Variants in TECRL observed in about 807,000 individuals in gnomAD.
TECRL encodes trans-2,3-enoyl-CoA reductase-like.
In TECRL, 63 loss-of-function variants were observed where a neutral mutation model predicts 52.8. That is an observed-to-expected ratio of 1.19 (90% confidence interval 0.97 to 1.47). The LOEUF is 1.47. Ranked by LOEUF, TECRL falls within the 40% of genes most tolerant of loss-of-function variation. The probability of loss-of-function intolerance (pLI) is 0.00; values close to 1 mark genes in which losing one functional copy is unlikely to be tolerated. For synonymous variants in TECRL, 164 were observed against 141.9 expected, an observed-to-expected ratio of 1.16 and a Z score of -1.10; for missense variants, 482 against 429.6, an observed-to-expected ratio of 1.12 and a Z score of -1.08.
intron 2 of TECRL, among the ~76,000 whole-genome samples, chr4:64,337,508 G>A (rs1358611331): frequency 6.6e-6 from 1 of 152,154 alleles, no homozygotes; most frequent in Non-Finnish European, 1.5e-5. Flanking sequence ...CAGATGACAT[G>A]ATTGTATATC....
At chr4:64,332,185 C>A (rs2063653107) in intron 2 of TECRL, among the ~76,000 whole-genome samples, 1 of 152,120 alleles carries the variant, frequency 6.6e-6, no homozygotes, top group African/African-American at 2.4e-5. Flanking sequence ...CTGAGCAGGG[C>A]TTTTCACACA....
At chr4:64,311,358 G>C (rs1038305453) in intron 5 of TECRL, among the ~76,000 whole-genome samples, 6 of 152,256 alleles carry the variant, frequency 3.9e-5, no homozygotes, top group African/African-American at 1.2e-4. Context: ...ATGAATGTCT[G>C]GGGGAAGAGC....
chr4:64,307,766 A>G (rs534699307), intron 6 of TECRL, among the ~76,000 whole-genome samples: 3 of 152,192 alleles, frequency 2.0e-5, no homozygotes, highest in Non-Finnish European at 4.4e-5. Context: ...TTACTCTTAA[A>G]TCAAACTCTG....
chr4:64,409,207 T>C lies in TECRL; in HGVS notation c.145A>G (p.Thr49Ala), dbSNP rs748941395. Residue 49 changes from threonine to alanine, a missense_variant, in exon 1 of 12, where the codon ACT becomes GCT. Coordinates refer to ENST00000381210, the MANE Select transcript of TECRL (RefSeq NM_001010874.5). The part of the protein sequence containing the change: ...LVLSAGPLRP[T>A]PAVKHSKTTH... ...GTTTTTGAATGTTTGACTGCTGGAG[T>C]TGGTCTTAGAGGGCCCGCTGAGAGT... 2 of 1,612,932 alleles carry C rather than the reference T, an allele frequency of 1.2e-6. No homozygotes were observed. The highest frequency in any genetic ancestry group is 1.1e-5 in the South Asian group (1 of 91,046).
chr4:64,332,522 A>C (rs1718715396), intron 2 of TECRL, among the ~76,000 whole-genome samples: 2 of 152,224 alleles, frequency 1.3e-5, no homozygotes, highest in Admixed American at 1.3e-4. Flanking sequence ...GAATGCTAGA[A>C]GACAAGACAT....
At position 64,310,637 on chromosome 4, in the gene TECRL, C is replaced by T. The variant is rs569430690; in HGVS notation, c.552-706G>A. On this transcript the variant is annotated intron_variant, in intron 5 of 11. Coordinates refer to ENST00000381210, the MANE Select transcript of TECRL (RefSeq NM_001010874.5). ...AATGTATTTTTCATGAAGATTTGTA[C>T]CTATTTTGTTACATATAAAAATGTG... Among the ~76,000 whole-genome samples the T allele has an allele frequency of 2.6e-5, 4 of 152,152 alleles. No individual in the cohort carries two copies. In the South Asian group the frequency reaches 8.3e-4, roughly 32 times the overall value.
intron 6 of TECRL, among the ~76,000 whole-genome samples, chr4:64,306,356 G>A (rs28766372): frequency 0.029 from 4,470 of 152,214 alleles, 99 homozygotes; most frequent in African/African-American, 0.064. Context: ...TGGGGCAACT[G>A]AAGGTATCTG....
chr4:64,375,094 T>A, intron 2 of TECRL, 78 bp downstream of exon 2: 1 of 667,408 alleles, frequency 1.5e-6, no homozygotes, highest in Non-Finnish European at 2.4e-6. Flanking sequence ...CTAACATATA[T>A]TGCACTTATA....
chr4:64,322,898 T>A, intron 3 of TECRL, 106 bp from the exon 4 acceptor site: 1 of 794,722 alleles, frequency 1.3e-6, no homozygotes, highest in Non-Finnish European at 1.9e-6. Flanking sequence ...TAATTTAATA[T>A]GGAAATTACA....
intron 1 of TECRL, among the ~76,000 whole-genome samples, chr4:64,376,178 TA>T (rs2109684255): frequency 6.6e-6 from 1 of 152,038 alleles, no homozygotes; most frequent in South Asian, 2.1e-4. Flanking sequence ...TAACAACAAA[TA>T]CATTTATTTT....
intron 1 of TECRL, among the ~76,000 whole-genome samples, chr4:64,393,690 G>T (rs1283616267): frequency 6.6e-6 from 1 of 151,490 alleles, no homozygotes; most frequent in Non-Finnish European, 1.5e-5. Flanking sequence ...TTAATATAAT[G>T]AATCTAATAT....
intron 2 of TECRL, among the ~76,000 whole-genome samples, chr4:64,372,024 T>G (rs1413855952): frequency 6.6e-6 from 1 of 151,772 alleles, no homozygotes; most frequent in Non-Finnish European, 1.5e-5. Flanking sequence ...ACAGTTTTGG[T>G]CAGAGTGTCA....
intron 1 of TECRL, among the ~76,000 whole-genome samples, chr4:64,386,825 A>G (rs1012740634): frequency 6.6e-6 from 1 of 152,126 alleles, no homozygotes; most frequent in Non-Finnish European, 1.5e-5. Flanking sequence ...GAAGGACCAG[A>G]GATTTCCAAG....
intron 2 of TECRL, among the ~76,000 whole-genome samples, chr4:64,366,292 C>A (rs1199281760): frequency 2.0e-5 from 3 of 152,024 alleles, no homozygotes; most frequent in African/African-American, 4.8e-5. Flanking sequence ...AAATGTAAAA[C>A]CCAGACTGTA....
intron 7 of TECRL, among the ~76,000 whole-genome samples, chr4:64,301,392 A>T (rs914173623): frequency 1.3e-5 from 2 of 151,200 alleles, no homozygotes; most frequent in African/African-American, 4.8e-5. Flanking sequence ...ATGCATCTGT[A>T]TCAGCCATAA....
At position 64,302,688 on chromosome 4, in the gene TECRL, C is replaced by T. The variant is rs368648566; in HGVS notation, c.730+2478G>A. ...AAGAGGAACAATATAAAAATTGGAT[C>T]AATTGTCTGTTTTGTAATCTTAAGC... On this transcript the variant is annotated intron_variant, in intron 7 of 11. Transcript: ENST00000381210. Among the ~76,000 whole-genome samples, 12 of 151,198 alleles carry T rather than the reference C, an allele frequency of 7.9e-5. No homozygotes were observed. The South Asian group carries it at 2.3e-3, about 29-fold the overall frequency.
intron 9 of TECRL, among the ~76,000 whole-genome samples, chr4:64,282,334 T>C (rs1220799219): frequency 2.6e-5 from 4 of 152,028 alleles, no homozygotes; most frequent in Non-Finnish European, 5.9e-5. Flanking sequence ...TACCAAGATT[T>C]AATCAGATAA....
chr4:64,280,357 C>T (rs1722760349), intron 11 of TECRL, among the ~76,000 whole-genome samples, 158 bp from the exon 12 acceptor site: 2 of 151,724 alleles, frequency 1.3e-5, no homozygotes, highest in East Asian at 3.9e-4. Flanking sequence ...CAAGCAATAG[C>T]CAATCAATAT....
intron 1 of TECRL, among the ~76,000 whole-genome samples, chr4:64,403,072 C>A (rs1021944691): frequency 6.6e-6 from 1 of 152,020 alleles, no homozygotes. Flanking sequence ...AAACATTCCC[C>A]GTGTTCCTAT....
Sources: gnomAD v4.1 joint callset for allele counts (sites outside exome capture counted in the v4.1 genomes callset) on GRCh38, gnomAD v4.1.1 for gene constraint, MANE v1.5 for transcripts, NCBI Gene and HGNC (gene_info 2026-07-23, HGNC 2026-07-21) for gene names.